The following NFATC1 variants were observed in gnomAD, a reference collection of about 807,000 sequenced individuals.
NFATC1 encodes nuclear factor of activated T cells 1.
In NFATC1, 22 loss-of-function variants were observed where a neutral mutation model predicts 76.0. The ratio of observed to expected loss-of-function variants is 0.29; its 90% CI spans 0.21 to 0.41. NFATC1 has a LOEUF of 0.41. Ranked by LOEUF, NFATC1 falls within the 10% of genes least tolerant of loss-of-function variation. The pLI, the probability that NFATC1 is intolerant of heterozygous loss-of-function variation, is 1.00. For missense variants in NFATC1, 1,357 were observed against 1,337.7 expected (o/e 1.01, Z -0.23); for synonymous variants, 704 against 613.1 (o/e 1.15, Z -2.19).
chr18:79,415,322 A>G (rs889783095), intron 2 of NFATC1, among the ~76,000 whole-genome samples: 3 of 152,128 alleles, frequency 2.0e-5, no homozygotes, highest in Non-Finnish European at 2.9e-5. Context: ...TCGCTCTGTC[A>G]CCCAGACTGG....
intron 1 of NFATC1, among the ~76,000 whole-genome samples, chr18:79,404,215 G>A (rs1273352690): frequency 1.3e-5 from 2 of 152,234 alleles, no homozygotes; most frequent in African/African-American, 4.8e-5. Flanking sequence ...GTTGGGCCCC[G>A]GGCTGGACGA....
intron 6 of NFATC1, among the ~76,000 whole-genome samples, chr18:79,460,173 C>T (rs2087987758): frequency 6.6e-6 from 1 of 152,134 alleles, no homozygotes; most frequent in Non-Finnish European, 1.5e-5. Flanking sequence ...CATTTCCTCT[C>T]CACCCTCCAC....
At chr18:79,428,508 G>A (rs992102971) in intron 2 of NFATC1, among the ~76,000 whole-genome samples, 1 of 152,228 alleles carries the variant, frequency 6.6e-6, no homozygotes, top group Non-Finnish European at 1.5e-5. Context: ...CTCAGGGCAT[G>A]ACCGGAGATG....
intron 9 of NFATC1, among the ~76,000 whole-genome samples, chr18:79,518,492 T>TG (rs1267260011): frequency 2.0e-5 from 3 of 152,186 alleles, no homozygotes; most frequent in Admixed American, 2.0e-4. Flanking sequence ...AGGAAGTGCC[T>TG]GGCACCCCCC....
chr18:79,517,918 C>A (rs756512042), intron 9 of NFATC1, among the ~76,000 whole-genome samples: 10 of 152,224 alleles, frequency 6.6e-5, no homozygotes, highest in Non-Finnish European at 1.3e-4. Flanking sequence ...TTCATCTGTG[C>A]TACTTAAACT....
intron 6 of NFATC1, among the ~76,000 whole-genome samples, chr18:79,457,666 T>C (rs2087809620): frequency 1.3e-5 from 2 of 152,234 alleles, no homozygotes; most frequent in African/African-American, 2.4e-5. Flanking sequence ...CAGAACATTT[T>C]CTTGTCCCCA....
chr18:79,507,817 G>GA (rs2090151763), intron 9 of NFATC1, among the ~76,000 whole-genome samples: 1 of 152,274 alleles, frequency 6.6e-6, no homozygotes. Context: ...TTTTACGTGA[G>GA]AAGTTAGGTT....
rs866664880 is a variant in NFATC1, at chr18:79,444,741, G to A, written c.1387-4041G>A. On this transcript the variant is annotated intron_variant, in intron 3 of 9. Coordinates refer to ENST00000427363, the MANE Select transcript of NFATC1 (RefSeq NM_001278669.2). ...CACAGGCACCCCCGTGGGCACACAC[G>A]TGCCCGACCCCACAGACCACACCGG... Among the ~76,000 whole-genome samples the A allele has an allele frequency of 2.5e-4, 34 of 137,864 alleles. 1 individual carries two copies. Among genetic ancestry groups the A allele is most frequent in the South Asian group, 8.5e-4 (4 of 4,708 alleles). The allele number at this position is 137,864 out of a possible 152,430, so 90.4% of individuals were successfully genotyped here.
chr18:79,486,325 C>T lies in NFATC1; in HGVS notation c.2170C>T (p.Pro724Ser), dbSNP rs766323337. 1.2e-6 allele frequency: 2 copies of T among 1,613,178 alleles called. No homozygotes were observed. The highest frequency in any genetic ancestry group is 2.2e-5 in the South Asian group (2 of 91,080). Residue 724 changes from proline (P) to serine (S), a missense_variant, in exon 9 of 10, where the codon CCT becomes TCT. This residue lies in a region of NFATC1 where 424 missense variants were observed against 395.4 expected (regional missense o/e 1.07). Transcript: ENST00000427363. ...TCGPVSQGLS[P>S]LPRPYYSQQL... is the part of the protein sequence containing the mutation. Reference sequence around the variant, plus strand: ...TGGACCGGTGAGCCAGGGGTTAAGTCCTCTCCCAAGACCATACTACAGCCA... The same window carrying T: ...TGGACCGGTGAGCCAGGGGTTAAGTTCTCTCCCAAGACCATACTACAGCCA...
At chr18:79,439,035 G>A (rs570774442) in intron 3 of NFATC1, among the ~76,000 whole-genome samples, 1 of 152,222 alleles carries the variant, frequency 6.6e-6, no homozygotes, top group Non-Finnish European at 1.5e-5. Context: ...TTCTCACTTT[G>A]TGTGGTACCT....
At chr18:79,501,392 G>A (rs906405415) in intron 9 of NFATC1, among the ~76,000 whole-genome samples, 7 of 152,174 alleles carry the variant, frequency 4.6e-5, no homozygotes, top group South Asian at 2.1e-4. Context: ...CGTCCAAGAC[G>A]GAGGACCTTC....
At position 79,520,569 on chromosome 18, in the gene NFATC1, G is replaced by A. The variant is rs570028599; in HGVS notation, c.2783-6959G>A. On this transcript the variant is annotated intron_variant, in intron 9 of 9. Transcript: ENST00000427363. ...GTGCATCCACCACTAATGTGTGTCCGTGTGTGTGGGGGCATCCGCTGATGT... is the reference window on the plus strand; with the variant it reads ...GTGCATCCACCACTAATGTGTGTCCATGTGTGTGGGGGCATCCGCTGATGT... Among the ~76,000 whole-genome samples, 170 of 143,694 alleles carry A rather than the reference G, an allele frequency of 1.2e-3. 2 individuals carry two copies. Among genetic ancestry groups the A allele is most frequent in the Non-Finnish European group, 2.0e-3 (133 of 65,774 alleles). The allele number at this position is 143,694 out of a possible 152,430, so 94.3% of individuals were successfully genotyped here.
At chr18:79,440,208 T>C (rs2086920794) in intron 3 of NFATC1, among the ~76,000 whole-genome samples, 1 of 152,176 alleles carries the variant, frequency 6.6e-6, no homozygotes, top group Non-Finnish European at 1.5e-5. Flanking sequence ...TTTGGCTTCT[T>C]GGTGCTTTGG....
chr18:79,474,366 G>A lies in NFATC1; in HGVS notation c.2092+6784G>A, dbSNP rs551253752. On this transcript the variant is annotated intron_variant, in intron 8 of 9. Transcript: ENST00000427363. ...TCGACGTTGTAAACCTGAGGGAAGCGTGTTCTCACGCTCACCGTCGACGTA... is the reference window on the plus strand; with the variant it reads ...TCGACGTTGTAAACCTGAGGGAAGCATGTTCTCACGCTCACCGTCGACGTA... 1.4e-4 allele frequency among the ~76,000 whole-genome samples: 20 copies of A among 145,468 alleles called. 1 individual carries two copies. The highest frequency in any genetic ancestry group is 2.2e-4 in the Non-Finnish European group (15 of 66,776).
chr18:79,442,064 C>T (rs992475557), intron 3 of NFATC1, among the ~76,000 whole-genome samples: 5 of 152,274 alleles, frequency 3.3e-5, no homozygotes, highest in African/African-American at 1.2e-4. Context: ...AGCGCCATTG[C>T]CTCCAGGTCG....
chr18:79,492,653 G>C (rs551036656), intron 9 of NFATC1, among the ~76,000 whole-genome samples: 114 of 151,690 alleles, frequency 7.5e-4, no homozygotes, highest in Non-Finnish European at 1.4e-3. Context: ...AGCTTGCAGA[G>C]AGCTGAGATC....
At chr18:79,424,459 C>T (rs1206535458) in intron 2 of NFATC1, among the ~76,000 whole-genome samples, 3 of 150,736 alleles carry the variant, frequency 2.0e-5, no homozygotes, top group Admixed American at 1.3e-4. Flanking sequence ...GAGAAATGCG[C>T]TGATCGTCTC....
chr18:79,436,586 T>G (rs1256814298), intron 3 of NFATC1, among the ~76,000 whole-genome samples: 1 of 152,196 alleles, frequency 6.6e-6, no homozygotes, highest in African/African-American at 2.4e-5. Flanking sequence ...CATCCCCATG[T>G]GTTTCGCAGT....
intron 6 of NFATC1, among the ~76,000 whole-genome samples, chr18:79,453,142 C>T (rs1254993855): frequency 6.6e-6 from 1 of 152,248 alleles, no homozygotes; most frequent in Non-Finnish European, 1.5e-5. Flanking sequence ...ATAATTTTCC[C>T]TTCAGAGCTT....
Sources: allele counts gnomAD v4.1 joint callset (sites outside exome capture counted in the v4.1 genomes callset), GRCh38; gene constraint gnomAD v4.1.1; regional missense constraint gnomAD v4.1.1; transcripts MANE v1.5; gene names NCBI Gene and HGNC (gene_info 2026-07-23, HGNC 2026-07-21).